The following D2HGDH variants were observed in gnomAD, a reference collection of about 807,000 sequenced individuals.
The protein encoded by D2HGDH is D-2-hydroxyglutarate dehydrogenase.
Under a neutral mutation model 46.9 loss-of-function variants are expected in D2HGDH, and 31 were observed. The ratio of observed to expected loss-of-function variants is 0.66; its 90% CI spans 0.50 to 0.89. The LOEUF is 0.89. D2HGDH is among the 40% of genes least tolerant of loss of function. D2HGDH has a pLI of 0.00. For synonymous variants in D2HGDH, 364 were observed against 332.6 expected, an observed-to-expected ratio of 1.09 and a Z score of -1.03; for missense variants, 698 against 720.8, an observed-to-expected ratio of 0.97 and a Z score of 0.36.
Position 241,743,805 on chromosome 2 carries a change from G to A in D2HGDH, c.674G>A (p.Gly225Asp). The change falls in exon 5 of 10, where the codon GGC becomes GAC. Residue 225 changes from glycine (G) to aspartate (D), a missense_variant. Physicochemically the swap from Gly to Asp is moderately conservative, Grantham distance 94. Coordinates refer to ENST00000321264, the MANE Select transcript of D2HGDH (RefSeq NM_152783.5). The surrounding 1 kb of genome is among the most constrained non-coding windows in gnomAD (Gnocchi z 4.8). ...GGCTCACTGCATGGGACTGTCCTGGGCCTGGAAGTGGTGAGCTGGGGCAGC... is the reference window on the plus strand; with the variant it reads ...GGCTCACTGCATGGGACTGTCCTGGACCTGGAAGTGGTGAGCTGGGGCAGC... ...RYGSLHGTVL[G>D]LEVVLADGTV... 6.2e-7 allele frequency: 1 copy of A among 1,601,330 alleles called. No individual in the cohort carries two copies. The highest frequency in any genetic ancestry group is 8.5e-7 in the Non-Finnish European group (1 of 1,174,538).
intron 2 of D2HGDH, 42 bp from the exon 3 acceptor site, chr2:241,740,991 G>T: frequency 6.4e-7 from 1 of 1,566,102 alleles, no homozygotes; most frequent in South Asian, 1.1e-5. Flanking sequence ...CTCATCTGCA[G>T]CTCCCCCCAC....
At chr2:241,762,809 G>A (rs570523272) in intron 9 of D2HGDH, among the ~76,000 whole-genome samples, 4 of 152,310 alleles carry the variant, frequency 2.6e-5, no homozygotes, top group African/African-American at 9.6e-5. Context: ...TGCTTGGTCA[G>A]ATTTTTTGGT....
chr2:241,749,469 C>T (rs1279499572), intron 6 of D2HGDH: 28 of 1,016,246 alleles, frequency 2.8e-5, no homozygotes, highest in Non-Finnish European at 2.9e-5. Flanking sequence ...CACTCAGTTC[C>T]TTTCCATCTT....
intron 8 of D2HGDH, among the ~76,000 whole-genome samples, chr2:241,753,062 G>A (rs1697540650): frequency 6.6e-6 from 1 of 152,154 alleles, no homozygotes; most frequent in African/African-American, 2.4e-5. Context: ...TTCATGACCA[G>A]GACAGGGCCG....
At chr2:241,737,738 A>C (rs1693322013) in intron 2 of D2HGDH, among the ~76,000 whole-genome samples, 1 of 152,202 alleles carries the variant, frequency 6.6e-6, no homozygotes, top group South Asian at 2.1e-4. Flanking sequence ...AGAAAATTAA[A>C]AATTAGCCGG....
intron 8 of D2HGDH, among the ~76,000 whole-genome samples, chr2:241,751,700 G>A (rs1697230317): frequency 6.6e-6 from 1 of 152,374 alleles, no homozygotes; most frequent in African/African-American, 2.4e-5. Context: ...GCCAGTCAGC[G>A]GCAGCTCCGC....
chr2:241,743,108 C>T lies in D2HGDH; in HGVS notation c.491-514C>T, dbSNP rs1432568349. Among the ~76,000 whole-genome samples the T allele has an allele frequency of 5.7e-5, 3 of 52,460 alleles. No homozygotes were observed. The highest frequency in any genetic ancestry group is 3.1e-4 in the East Asian group (1 of 3,224). 34.4% of individuals were successfully genotyped at this position (52,460 alleles called of 152,430 possible). On this transcript the variant is annotated intron_variant, in intron 4 of 9. Transcript: ENST00000321264. This position sits in a 1 kb window ranked among gnomAD's most constrained non-coding sequence, Gnocchi z 4.8. The stretch of plus-strand genomic sequence containing the variant: ...GGGATCCTGACCCAGGGTGCCAGGG[C>T]GTGGCAGGCATGAGGGGATCCTGAC...
intron 5 of D2HGDH, among the ~76,000 whole-genome samples, chr2:241,744,440 T>A (rs984461417): frequency 1.3e-5 from 2 of 152,214 alleles, no homozygotes; most frequent in Admixed American, 6.5e-5. Context: ...TTTGATGCCT[T>A]ATGGCTGGTG....
In D2HGDH at chr2:241,751,975, G is replaced by A. The variant is rs533234219; in HGVS notation, c.1140+587G>A. 2.7e-3 allele frequency among the ~76,000 whole-genome samples: 343 copies of A among 127,638 alleles called. 2 individuals are homozygous for A. Among genetic ancestry groups the A allele is most frequent in the Admixed American group, 5.2e-3 (68 of 13,010 alleles). 83.7% of individuals were successfully genotyped at this position (127,638 alleles called of 152,430 possible). A position where few individuals can be genotyped will look rare whatever the true frequency, so the allele number is the denominator to read the frequency against. On this transcript the variant is annotated intron_variant, in intron 8 of 9. Transcript: ENST00000321264. ...CGGGGCCTGGGCAGGGGGAGCCCTC[G>A]GTCACCGTCACCGGGGCCTGGATAG...
intron 9 of D2HGDH, among the ~76,000 whole-genome samples, chr2:241,757,923 C>T (rs953395933): frequency 6.7e-6 from 1 of 150,290 alleles, no homozygotes; most frequent in African/African-American, 2.5e-5. Context: ...TGCACCATTG[C>T]ACTCCAGCCT....
At chr2:241,765,150 A>C (rs951718047) in intron 9 of D2HGDH, among the ~76,000 whole-genome samples, 1 of 152,210 alleles carries the variant, frequency 6.6e-6, no homozygotes, top group African/African-American at 2.4e-5. Context: ...GGACCCCTCC[A>C]TCCGACCAGG....
chr2:241,756,452 C>A (rs1698191204), intron 9 of D2HGDH, among the ~76,000 whole-genome samples: 1 of 152,232 alleles, frequency 6.6e-6, no homozygotes, highest in Non-Finnish European at 1.5e-5. Context: ...TTCAGATCAT[C>A]TTTTTTCTGC....
rs753653449 is a variant in D2HGDH at position 241,767,970 on chromosome 2, C to T, written c.*1C>T. Reference sequence around the variant, plus strand: ...CAAGACGCTGCCCAGCCAGGCCTGACGGCCACTCCTGCTGCTGCCAAGGCC... The same window carrying T: ...CAAGACGCTGCCCAGCCAGGCCTGATGGCCACTCCTGCTGCTGCCAAGGCC... On this transcript the variant is annotated 3_prime_UTR_variant, in exon 10 of 10. Transcript: ENST00000321264. 36 of 1,586,648 alleles carry T rather than the reference C, an allele frequency of 2.3e-5. No homozygotes were observed. Among genetic ancestry groups the T allele is most frequent in the Middle Eastern group, 3.8e-4 (2 of 5,220 alleles).
rs776596696 is a variant in D2HGDH, at chr2:241,744,907, G to A, written c.853+30G>A. The A allele has an allele frequency of 3.1e-6, 5 of 1,613,580 alleles. No individual in the cohort carries two copies. In the East Asian group the frequency reaches 8.9e-5, roughly 29 times the overall value. On this transcript the variant is annotated intron_variant, in intron 6 of 9. Coordinates refer to ENST00000321264, the MANE Select transcript of D2HGDH (RefSeq NM_152783.5). ...GCTTCCTCGATGTGTGCCTTGAGAT[G>A]GGTGGTTGGGCTCGAGCGTCTGCTC...
chr2:241,757,593 C>G (rs1698308568), intron 9 of D2HGDH, among the ~76,000 whole-genome samples: 1 of 152,152 alleles, frequency 6.6e-6, no homozygotes, highest in African/African-American at 2.4e-5. Context: ...CAGGTAACTT[C>G]AGTCTCTCTT....
At chr2:241,744,899 C>T (rs1695442798) in intron 6 of D2HGDH, 22 bp downstream of exon 6, 3 of 1,613,464 alleles carry the variant, frequency 1.9e-6, no homozygotes, top group African/African-American at 1.3e-5. Flanking sequence ...CGATGTGTGC[C>T]TTGAGATGGG....
In D2HGDH at chr2:241,743,617, T is replaced by A; in HGVS notation, c.491-5T>A. On this transcript the variant is annotated splice_polypyrimidine_tract_variant and splice_region_variant and intron_variant, in intron 4 of 9. Coordinates refer to ENST00000321264, the MANE Select transcript of D2HGDH (RefSeq NM_152783.5). The surrounding 1 kb of genome is among the most constrained non-coding windows in gnomAD (Gnocchi z 4.8). ...GTGCTGCGGCAGCCTGGTCACTCTCTGCAGGAATTCTGGTTTGCCAGGCGG... is the reference window on the plus strand; with the variant it reads ...GTGCTGCGGCAGCCTGGTCACTCTCAGCAGGAATTCTGGTTTGCCAGGCGG... 6.2e-7 allele frequency: 1 copy of A among 1,612,486 alleles called. No homozygotes were observed. The highest frequency in any genetic ancestry group is 8.5e-7 in the Non-Finnish European group (1 of 1,179,658).
rs552085597 is a variant in D2HGDH at position 241,752,323 on chromosome 2, C to T, written c.1140+935C>T. 9.9e-5 allele frequency among the ~76,000 whole-genome samples: 15 copies of T among 152,190 alleles called. No homozygotes were observed. In the South Asian group the frequency reaches 2.3e-3, roughly 23 times the overall value. ...GCCCAGCCCAGGGGCGTCCTCTGGG[C>T]GAATGGCAGCTGTGTGGTGCCATCT... On this transcript the variant is annotated intron_variant, in intron 8 of 9. Coordinates refer to ENST00000321264, the MANE Select transcript of D2HGDH (RefSeq NM_152783.5).
chr2:241,759,239 C>T (rs1698512713), intron 9 of D2HGDH, among the ~76,000 whole-genome samples: 1 of 152,150 alleles, frequency 6.6e-6, no homozygotes, highest in South Asian at 2.1e-4. Context: ...GTTCATTCTA[C>T]ATCCTGCTGA....
Sources: gnomAD v4.1 joint callset for allele counts (sites outside exome capture counted in the v4.1 genomes callset) on GRCh38, gnomAD v4.1.1 for gene constraint, Gnocchi (gnomAD v3.1) non-coding constraint, MANE v1.5 for transcripts, NCBI Gene and HGNC (gene_info 2026-07-23, HGNC 2026-07-21) for gene names.